The following REXO1 variants were observed in gnomAD, a reference collection of about 807,000 sequenced individuals.
The protein encoded by REXO1 is REX1, RNA exonuclease 1 homolog.
In REXO1, 42 loss-of-function variants were observed where a neutral mutation model predicts 102.6. That is an observed-to-expected ratio of 0.41 (90% CI 0.32 to 0.53). REXO1 has a LOEUF of 0.53. Ranked by LOEUF, REXO1 falls within the 20% of genes least tolerant of loss-of-function variation. REXO1 has a pLI of 0.27. For missense variants in REXO1, 1,819 were observed against 1,732.5 expected (o/e 1.05, Z -0.89); for synonymous variants, 908 against 779.1 (o/e 1.17, Z -2.76).
At position 1,828,027 on chromosome 19, in the gene REXO1, C is replaced by T. The variant is rs1386838169; in HGVS notation, c.762G>A (p.Arg254=). The change falls in exon 2 of 16, where the codon CGG becomes CGA. Residue 254 remains arginine (R), a synonymous_variant. Transcript: ENST00000170168. ...GGGAGCCCCGGGGCCGCTTGGCGGC[C>T]CGCTCATCCCGGGAGCTGGCCCTGC... ...HLSRASSRDE[R]AAKRPRGSRG... is the part of the protein sequence containing the mutation. 1.2e-6 allele frequency: 2 copies of T among 1,612,654 alleles called. No individual in the cohort carries two copies. Among genetic ancestry groups the T allele is most frequent in the African/African-American group, 2.7e-5 (2 of 74,916 alleles).
intron 5 of REXO1, among the ~76,000 whole-genome samples, chr19:1,820,852 G>A (rs2069513391): frequency 6.6e-6 from 1 of 151,984 alleles, no homozygotes; most frequent in South Asian, 2.1e-4. Context: ...AAAATTATTA[G>A]CTGGGGTGTG....
intron 4 of REXO1, chr19:1,823,270 G>A (rs893442152): frequency 1.6e-5 from 6 of 365,628 alleles, no homozygotes; most frequent in African/African-American, 2.1e-5. Context: ...ACCCCGACAT[G>A]GCTCCCCATT....
At chr19:1,832,515 C>T (rs1000946179) in intron 1 of REXO1, among the ~76,000 whole-genome samples, 1 of 152,230 alleles carries the variant, frequency 6.6e-6, no homozygotes, top group East Asian at 1.9e-4. Context: ...GGCCTGGTCA[C>T]GGGCAGCTGC....
At chr19:1,823,299 A>G (rs756028504) in intron 4 of REXO1, 124 of 382,196 alleles carry the variant, frequency 3.2e-4, no homozygotes, top group Non-Finnish European at 4.8e-4. Context: ...CCACAGGCTC[A>G]GGCCCTGGTT....
intron 1 of REXO1, among the ~76,000 whole-genome samples, chr19:1,829,137 AGTGTGCCAGCGGTGGTGTGGTGGCG>A (rs1344068941): frequency 2.0e-5 from 3 of 152,116 alleles, no homozygotes; most frequent in Admixed American, 6.5e-5. Context: ...GTGTGCCAGC[AGTGTGCCAGCGGTGGTGTGGTGGCG>A]GTGTGCCTGC....
At position 1,828,064 on chromosome 19, in the gene REXO1, G is replaced by A; in HGVS notation, c.725C>T (p.Ala242Val). 2 of 1,613,210 alleles carry A rather than the reference G, an allele frequency of 1.2e-6. No homozygotes were observed. The highest frequency in any genetic ancestry group is 1.7e-6 in the Non-Finnish European group (2 of 1,179,844). The change falls in exon 2 of 16, where the codon GCC (alanine) becomes GTC (valine). Residue 242 changes from alanine (A) to valine (V), a missense_variant. Transcript: ENST00000170168. ...GGAGCTGGCCCTGCTGAGGTGCCGG[G>A]CCGAGTAGTTGGAGAGAGGGTCATA... ...LEYDPLSNYS[A>V]RHLSRASSRD...
At chr19:1,820,845 A>T (rs2036536691) in intron 5 of REXO1, among the ~76,000 whole-genome samples, 1 of 151,998 alleles carries the variant, frequency 6.6e-6, no homozygotes, top group Non-Finnish European at 1.5e-5. Context: ...AAAAAACAAA[A>T]TTATTAGCTG....
intron 1 of REXO1, among the ~76,000 whole-genome samples, chr19:1,843,779 G>A (rs1260128707): frequency 6.6e-6 from 1 of 152,230 alleles, no homozygotes; most frequent in African/African-American, 2.4e-5. Flanking sequence ...CGTCTCTGAA[G>A]GTGACACAGG....
Position 1,827,551 on chromosome 19 carries a change from G to T in REXO1, c.1238C>A (p.Ala413Glu). The T allele has an allele frequency of 6.3e-7, 1 of 1,593,748 alleles. No individual in the cohort carries two copies. The highest frequency in any genetic ancestry group is 1.1e-5 in the South Asian group (1 of 88,742). ...GCTGGCCTGCGGGCCCTTCTTGTCC[G>T]CACGGGGCTTCTCCACAGGCCGCCC... ...GRGRPVEKPRADKKGPQASSP... is the reference protein window; with the variant it reads ...GRGRPVEKPREDKKGPQASSP... Residue 413 changes from alanine to glutamate, a missense_variant, in exon 2 of 16, where the codon GCG becomes GAG. Transcript: ENST00000170168.
chr19:1,834,497 T>C (rs1428231667), intron 1 of REXO1, among the ~76,000 whole-genome samples: 5 of 152,086 alleles, frequency 3.3e-5, no homozygotes, highest in African/African-American at 1.2e-4. Flanking sequence ...TCGCTGAAGC[T>C]TTGCCTCCCC....
Position 1,848,320 on chromosome 19 carries a change from G to A in REXO1, c.39C>T (p.Cys13=). The change falls in exon 1 of 16, where the codon TGC becomes TGT. Residue 13 remains cysteine (C), a synonymous_variant. Transcript: ENST00000170168. ...RSTGFFRAID[C]PYWSGAPGGP... ...CCCCGGGCGCCCCAGACCAATAGGGGCAGTCAATGGCCCGGAAGAAGCCAG... is the reference window on the plus strand; with the variant it reads ...CCCCGGGCGCCCCAGACCAATAGGGACAGTCAATGGCCCGGAAGAAGCCAG... The A allele has an allele frequency of 8.1e-7, 1 of 1,228,250 alleles. No individual in the cohort carries two copies. Among genetic ancestry groups the A allele is most frequent in the African/African-American group, 1.6e-5 (1 of 63,688 alleles). The allele number at this position is 1,228,250 out of a possible 1,614,324, so 76.1% of individuals were successfully genotyped here.
intron 1 of REXO1, among the ~76,000 whole-genome samples, chr19:1,843,329 G>A (rs750142286): frequency 1.3e-5 from 2 of 151,990 alleles, no homozygotes; most frequent in Non-Finnish European, 2.9e-5. Flanking sequence ...CCGCCCGGAG[G>A]GTCCCAGCTC....
chr19:1,821,767 G>T, intron 4 of REXO1, 85 bp from the exon 5 acceptor site: 1 of 1,299,588 alleles, frequency 7.7e-7, no homozygotes, highest in Non-Finnish European at 1.1e-6. Flanking sequence ...CGGCCGCTCA[G>T]CGCCAGCAGC....
rs372192917 is a variant in REXO1 at position 1,816,780 on chromosome 19, C to G, written c.3235G>C (p.Val1079Leu). ...YTTYGLELTRVTVVDTDVHVV... is the reference protein window; with the variant it reads ...YTTYGLELTRLTVVDTDVHVV... ...TGCACGTCCGTGTCGACCACCGTGA[C>G]GCGCGTCAGCTCCAGGCCATATGTG... is the stretch of plus-strand genomic sequence containing the variant. Residue 1079 changes from valine (V) to leucine (L), a missense_variant, in exon 13 of 16, where the codon GTC becomes CTC. Val to Leu is a conservative substitution (Grantham distance 32). Transcript: ENST00000170168. The G allele has an allele frequency of 3.1e-6, 5 of 1,612,820 alleles. No individual in the cohort carries two copies. In the African/African-American group the frequency reaches 6.7e-5, roughly 22 times the overall value.
At chr19:1,835,918 G>C (rs1316174480) in intron 1 of REXO1, among the ~76,000 whole-genome samples, 1 of 152,218 alleles carries the variant, frequency 6.6e-6, no homozygotes, top group Non-Finnish European at 1.5e-5. Flanking sequence ...CGGCCTAGGA[G>C]AGAGCCCACT....
chr19:1,827,607 C>T lies in REXO1; in HGVS notation c.1182G>A (p.Gln394=). ...CCTTGTCCTTGGTCTTGTCCTTCCC[C>T]TGGGCCCCGTCTTTGCAGCTGGGGG... is the stretch of plus-strand genomic sequence containing the variant. ...PPAPSCKDGA[Q]GKDKTKDKGR... The change falls in exon 2 of 16, where the codon CAG becomes CAA. Residue 394 remains glutamine (Q), a synonymous_variant. Transcript: ENST00000170168. The T allele has an allele frequency of 6.3e-7, 1 of 1,583,410 alleles. No individual in the cohort carries two copies. Among genetic ancestry groups the T allele is most frequent in the African/African-American group, 1.4e-5 (1 of 72,898 alleles).
In REXO1 at chr19:1,819,058, C is replaced by T. The variant is rs995917863; in HGVS notation, c.2724G>A (p.Ser908=). The change falls in exon 8 of 16, where the codon TCG becomes TCA. Residue 908 remains serine, a synonymous_variant. Transcript: ENST00000170168. ...CCCGGGGGCTGCTTGGACGGCTGAG[C>T]GAGAAGCTGGTCTTGGCGGCCAACC... ...GGRLAAKTSF[S]LSRPSSPRVE... The T allele has an allele frequency of 6.0e-5, 96 of 1,601,904 alleles. No homozygotes were observed. The Middle Eastern group carries it at 8.3e-4, about 14-fold the overall frequency.
rs1418955689 is a variant in REXO1 at position 1,820,154 on chromosome 19, C to T, written c.2527-97G>A. On this transcript the variant is annotated intron_variant, in intron 6 of 15. Transcript: ENST00000170168. ...ATGGGGTCGGGGACTTGCATCTCTC[C>T]CAGGCAGCTCCGGGTCACAGCTGCG... 1.9e-6 allele frequency: 3 copies of T among 1,561,368 alleles called. No homozygotes were observed. In the Admixed American group the frequency reaches 6.1e-5, roughly 32 times the overall value.
intron 4 of REXO1, chr19:1,823,292 C>CAG: frequency 2.6e-6 from 1 of 380,338 alleles, no homozygotes; most frequent in Non-Finnish European, 4.7e-6. Flanking sequence ...CCTGGAACCA[C>CAG]AGGCTCAGGC....
Sources: allele counts gnomAD v4.1 joint callset (sites outside exome capture counted in the v4.1 genomes callset), GRCh38; gene constraint gnomAD v4.1.1; transcripts MANE v1.5; gene names NCBI Gene and HGNC (gene_info 2026-07-23, HGNC 2026-07-21).